Variants in EYA2 observed in about 807,000 individuals in gnomAD.
EYA2 encodes the protein protein phosphatase EYA2.
EYA2 carries 31 observed loss-of-function variants against 69.2 expected under a neutral mutation model. The observed-to-expected ratio is 0.45, with a 90% CI of 0.34 to 0.60. The LOEUF (loss-of-function observed/expected upper bound fraction) is 0.60. Ranked by LOEUF, EYA2 falls within the 20% of genes least tolerant of loss-of-function variation. The pLI is 0.02. For synonymous variants in EYA2, 257 were observed against 279.4 expected, an observed-to-expected ratio of 0.92 and a Z score of 0.80; for missense variants, 622 against 701.2, an observed-to-expected ratio of 0.89 and a Z score of 1.28.
intron 1 of EYA2, among the ~76,000 whole-genome samples, chr20:46,960,498 G>A (rs142637637): frequency 2.1e-3 from 320 of 152,202 alleles, no homozygotes; most frequent in African/African-American, 7.2e-3. Flanking sequence ...ATTCCCATTG[G>A]TGGATGAGGA....
intron 5 of EYA2, among the ~76,000 whole-genome samples, chr20:47,018,968 C>A (rs1215406265): frequency 6.6e-6 from 1 of 152,196 alleles, no homozygotes; most frequent in African/African-American, 2.4e-5. Context: ...CTTAATCTCC[C>A]CAGTAGCCCC....
chr20:47,186,578 C>T (rs1451798725), intron 15 of EYA2, among the ~76,000 whole-genome samples: 1 of 151,998 alleles, frequency 6.6e-6, no homozygotes, highest in East Asian at 1.9e-4. Flanking sequence ...AGGCTGGTCT[C>T]AAATTCCTGA....
At chr20:47,076,949 T>C (rs971686224) in intron 7 of EYA2, among the ~76,000 whole-genome samples, 1 of 152,116 alleles carries the variant, frequency 6.6e-6, no homozygotes, top group African/African-American at 2.4e-5. Flanking sequence ...TGGCCCAGCT[T>C]AGGTCACATG....
intron 5 of EYA2, among the ~76,000 whole-genome samples, chr20:47,058,788 T>A (rs1568751609): frequency 6.6e-6 from 1 of 152,134 alleles, no homozygotes; most frequent in Non-Finnish European, 1.5e-5. Flanking sequence ...TGTGGTGAGC[T>A]ATGATCGTGC....
rs115512470 is a variant in EYA2 at position 47,081,340 on chromosome 20, A to T, written c.661+7005A>T. 7.9e-3 allele frequency among the ~76,000 whole-genome samples: 1,196 copies of T among 152,258 alleles called. 15 individuals are homozygous for T. Among genetic ancestry groups the T allele is most frequent in the African/African-American group, 0.028 (1,146 of 41,524 alleles). On this transcript the variant is annotated intron_variant, in intron 7 of 15. Transcript: ENST00000327619. ...TAAGTGTTTTTAGTAAAAAAAAAAT[A>T]AAAAATATGTGAATGTTAATTAGCT...
intron 5 of EYA2, among the ~76,000 whole-genome samples, chr20:47,038,845 G>A (rs986613311): frequency 1.3e-5 from 2 of 152,130 alleles, no homozygotes; most frequent in African/African-American, 2.4e-5. Flanking sequence ...TCACGTAAGT[G>A]GAATCGTACA....
At chr20:46,985,340 G>C (rs1396949057) in intron 1 of EYA2, among the ~76,000 whole-genome samples, 1 of 152,160 alleles carries the variant, frequency 6.6e-6, no homozygotes, top group East Asian at 1.9e-4. Context: ...TGGCCTTCAA[G>C]AACCTTAGGC....
intron 9 of EYA2, among the ~76,000 whole-genome samples, chr20:47,135,842 C>CAAAAA (rs1266669397): frequency 1.3e-4 from 7 of 54,010 alleles, no homozygotes; most frequent in African/African-American, 9.8e-4. Flanking sequence ...AAAAAAAAAA[C>CAAAAA]AAACAAACAA....
At chr20:47,113,773 GAC>G (rs2032816831) in intron 9 of EYA2, among the ~76,000 whole-genome samples, 1 of 151,950 alleles carries the variant, frequency 6.6e-6, no homozygotes, top group South Asian at 2.1e-4. Context: ...ACTCTCCTGA[GAC>G]ACACAGACCA....
chr20:47,048,047 A>G (rs2030137766), intron 5 of EYA2, among the ~76,000 whole-genome samples: 1 of 152,220 alleles, frequency 6.6e-6, no homozygotes, highest in Admixed American at 6.5e-5. Flanking sequence ...GCCCATCTCA[A>G]GGCCATTAAC....
chr20:47,029,448 A>G (rs1297440580), intron 5 of EYA2, among the ~76,000 whole-genome samples: 2 of 152,240 alleles, frequency 1.3e-5, no homozygotes, highest in African/African-American at 4.8e-5. Flanking sequence ...ATGATGCCAT[A>G]ATGGTTGTAA....
At chr20:47,067,333 G>T (rs1224076220) in intron 5 of EYA2, among the ~76,000 whole-genome samples, 5 of 152,176 alleles carry the variant, frequency 3.3e-5, no homozygotes, top group Non-Finnish European at 5.9e-5. Flanking sequence ...GGAATAGACT[G>T]ACCTAGACCT....
intron 9 of EYA2, among the ~76,000 whole-genome samples, chr20:47,129,840 T>A (rs2033292561): frequency 6.6e-6 from 1 of 152,136 alleles, no homozygotes; most frequent in Non-Finnish European, 1.5e-5. Flanking sequence ...TAGTAGACCA[T>A]CCAACCAGCA....
chr20:46,999,116 A>G (rs1028414008), intron 2 of EYA2, among the ~76,000 whole-genome samples: 1 of 152,202 alleles, frequency 6.6e-6, no homozygotes, highest in African/African-American at 2.4e-5. Context: ...AATTTATGGA[A>G]TGCCAAGTTA....
At chr20:46,963,573 C>T (rs1000896761) in intron 1 of EYA2, among the ~76,000 whole-genome samples, 3 of 152,344 alleles carry the variant, frequency 2.0e-5, no homozygotes, top group East Asian at 1.9e-4. Context: ...TAGGGGTCTT[C>T]CATACTCACT....
intron 10 of EYA2, chr20:47,161,528 C>A (rs898239044): frequency 9.6e-6 from 4 of 418,612 alleles, no homozygotes; most frequent in Non-Finnish European, 1.9e-5. Flanking sequence ...CCAGGTGGCC[C>A]AGCTTGGGGA....
At chr20:46,987,916 G>GTCAGTC (rs1555809756) in intron 1 of EYA2, among the ~76,000 whole-genome samples, 1 of 20,352 alleles carries the variant, frequency 4.9e-5, no homozygotes, top group African/African-American at 1.7e-4. Flanking sequence ...GACAGAGTAA[G>GTCAGTC]TCTCTCTCTC....
intron 9 of EYA2, among the ~76,000 whole-genome samples, chr20:47,131,161 G>C (rs1002968142): frequency 6.6e-6 from 1 of 152,190 alleles, no homozygotes; most frequent in Non-Finnish European, 1.5e-5. Context: ...CAGATCATTA[G>C]AAACAGGTTT....
intron 5 of EYA2, among the ~76,000 whole-genome samples, chr20:47,027,684 T>G (rs1157983269): frequency 6.6e-6 from 1 of 152,168 alleles, no homozygotes; most frequent in East Asian, 1.9e-4. Flanking sequence ...GGAGGGAGTT[T>G]AGTTCAACAG....
Sources: gnomAD v4.1 joint callset for allele counts (sites outside exome capture counted in the v4.1 genomes callset) on GRCh38, gnomAD v4.1.1 for gene constraint, MANE v1.5 for transcripts, NCBI Gene and HGNC (gene_info 2026-07-23, HGNC 2026-07-21) for gene names.